HK2: variants seen among roughly 807,000 people sequenced by gnomAD.
The protein encoded by HK2 is hexokinase 2.
In HK2, 42 loss-of-function variants were observed where a neutral mutation model predicts 92.9. The observed-to-expected ratio is 0.45, with a 90% confidence interval of 0.35 to 0.58. The LOEUF (loss-of-function observed/expected upper bound fraction) is 0.58. Ranked by LOEUF, HK2 falls within the 20% of genes least tolerant of loss-of-function variation. The pLI, the probability that HK2 is intolerant of heterozygous loss-of-function variation, is 0.00. For synonymous variants in HK2, 422 were observed against 468.0 expected (o/e 0.90, Z 1.27); for missense variants, 978 against 1,245.1 (o/e 0.79, Z 3.23).
intron 12 of HK2, among the ~76,000 whole-genome samples, chr2:74,885,127 TG>T (rs981818014): frequency 6.6e-6 from 1 of 152,182 alleles, no homozygotes; most frequent in African/African-American, 2.4e-5. Flanking sequence ...GCCCATTCAC[TG>T]GGGTCGGAGG....
chr2:74,843,254 A>G, intron 1 of HK2, among the ~76,000 whole-genome samples: 1 of 152,184 alleles, frequency 6.6e-6, no homozygotes, highest in East Asian at 1.9e-4. Context: ...CCTCATATAC[A>G]GACCCTGGGC....
chr2:74,889,210 A>G (rs757869630), intron 16 of HK2, 35 bp from the exon 17 acceptor site: 1 of 1,558,934 alleles, frequency 6.4e-7, no homozygotes, highest in Non-Finnish European at 8.8e-7. Context: ...TTCTTGGTGC[A>G]TGACTGAACA....
Position 74,889,247 on chromosome 2 carries a change from A to G in HK2, c.2378A>G (p.Asp793Gly). 6.2e-7 allele frequency: 1 copy of G among 1,613,310 alleles called. No individual in the cohort carries two copies. The highest frequency in any genetic ancestry group is 8.5e-7 in the Non-Finnish European group (1 of 1,179,574). Residue 793 changes from aspartate (D) to glycine (G), a missense_variant and splice_region_variant, in exon 17 of 18, where the codon GAC becomes GGC. Asp to Gly is a moderately conservative substitution (Grantham distance 94). Coordinates refer to ENST00000290573, the MANE Select transcript of HK2 (RefSeq NM_000189.5). Reference sequence around the variant, plus strand: ...TTGCTGTCTCCCTCCCACCCCAGTGACTGCCTGGCCCTGCTGCAAGTCCGA... The same window carrying G: ...TTGCTGTCTCCCTCCCACCCCAGTGGCTGCCTGGCCCTGCTGCAAGTCCGA... ...ETKFLSQIES[D>G]CLALLQVRAI... is the part of the protein sequence containing the mutation.
chr2:74,854,537 CA>C, intron 2 of HK2, 82 bp downstream of exon 2: 1 of 1,516,364 alleles, frequency 6.6e-7, no homozygotes. Flanking sequence ...CCAAATAACT[CA>C]AAAGCCTCAG....
rs549961459 is a variant in HK2 at position 74,881,844 on chromosome 2, C to T, written c.1704C>T (p.His568=). The change falls in exon 11 of 18, where the codon CAC becomes CAT. Residue 568 remains histidine, a synonymous_variant. Transcript: ENST00000290573. ...KIYAIPQEVM[H]GTGDELFDHI... is the part of the protein sequence containing the mutation. Reference sequence around the variant, plus strand: ...ACGCCATCCCGCAGGAGGTCATGCACGGCACCGGGGACGAGGTGAGCAGGG... The same window carrying T: ...ACGCCATCCCGCAGGAGGTCATGCATGGCACCGGGGACGAGGTGAGCAGGG... The T allele has an allele frequency of 1.6e-5, 26 of 1,614,158 alleles. No homozygotes were observed. Among genetic ancestry groups the T allele is most frequent in the South Asian group, 2.2e-5 (2 of 91,078 alleles).
At chr2:74,860,609 T>A (rs1330597262) in intron 2 of HK2, among the ~76,000 whole-genome samples, 1 of 152,236 alleles carries the variant, frequency 6.6e-6, no homozygotes, top group East Asian at 1.9e-4. Context: ...GGCTGCTGAT[T>A]CCATGGTATG....
At chr2:74,838,890 A>T (rs1307715348) in intron 1 of HK2, among the ~76,000 whole-genome samples, 1 of 152,156 alleles carries the variant, frequency 6.6e-6, no homozygotes, top group East Asian at 1.9e-4. Context: ...GGATTTTGTC[A>T]TTTAAGAATG....
At chr2:74,877,036 C>A in intron 7 of HK2, 130 bp from the exon 8 acceptor site, 1 of 1,257,972 alleles carries the variant, frequency 7.9e-7, no homozygotes, top group Non-Finnish European at 1.1e-6. Context: ...ACGTATCTTA[C>A]TCCTGGGCCG....
Position 74,885,845 on chromosome 2 carries a change from AACACACACAC to A in HK2, c.1935+288_1935+297del, listed in dbSNP as rs71406901. ...TGGCAGGTGCTGTTAAGAGCTGTGA[AACACACACAC>A]ACACACACACACACACACACACACA... On this transcript the variant is annotated intron_variant, in intron 13 of 17. Transcript: ENST00000290573. 7.7e-3 allele frequency among the ~76,000 whole-genome samples: 995 copies of A among 129,142 alleles called. 13 individuals are homozygous for A. The highest frequency in any genetic ancestry group is 0.03 in the African/African-American group (923 of 30,348). 84.7% of individuals were successfully genotyped at this position (129,142 alleles called of 152,430 possible).
At chr2:74,885,386 G>C (rs1318236919) in intron 12 of HK2, 108 bp from the exon 13 acceptor site, 11 of 767,596 alleles carry the variant, frequency 1.4e-5, no homozygotes, top group Non-Finnish European at 2.3e-5. Context: ...TGACTCTGGG[G>C]GATCCGTCTG....
At chr2:74,858,692 G>T (rs566702273) in intron 2 of HK2, among the ~76,000 whole-genome samples, 34 of 152,352 alleles carry the variant, frequency 2.2e-4, no homozygotes, top group Non-Finnish European at 4.6e-4. Context: ...ATCACCAGGG[G>T]CCCTGCATTT....
intron 2 of HK2, among the ~76,000 whole-genome samples, chr2:74,856,176 G>T (rs1302893117): frequency 7.0e-6 from 1 of 143,396 alleles, no homozygotes; most frequent in East Asian, 1.9e-4. Context: ...GCAGGGCGTG[G>T]GTCAGGGCTT....
intron 1 of HK2, among the ~76,000 whole-genome samples, chr2:74,850,697 C>T (rs1365029069): frequency 2.6e-5 from 4 of 152,310 alleles, no homozygotes; most frequent in African/African-American, 9.6e-5. Context: ...AAATTGCATT[C>T]ATCTCCTTCT....
At chr2:74,890,593 A>T (rs965090029) in intron 17 of HK2, among the ~76,000 whole-genome samples, 2 of 152,348 alleles carry the variant, frequency 1.3e-5, no homozygotes, top group South Asian at 4.1e-4. Flanking sequence ...GAAATTGGGC[A>T]TAGTACTAGT....
At chr2:74,852,293 A>T (rs1350621662) in intron 1 of HK2, among the ~76,000 whole-genome samples, 1 of 152,176 alleles carries the variant, frequency 6.6e-6, no homozygotes, top group Non-Finnish European at 1.5e-5. Flanking sequence ...GAAAGTTGTA[A>T]TGTAGCATTC....
At chr2:74,868,656 G>A (rs781376054) in intron 3 of HK2, among the ~76,000 whole-genome samples, 22 of 152,012 alleles carry the variant, frequency 1.4e-4, no homozygotes, top group Non-Finnish European at 2.4e-4. Context: ...TCCCTGTTGT[G>A]GGGGATGTGG....
At chr2:74,850,420 C>T (rs566120449) in intron 1 of HK2, among the ~76,000 whole-genome samples, 1 of 152,202 alleles carries the variant, frequency 6.6e-6, no homozygotes, top group Admixed American at 6.5e-5. Context: ...TAGCGAGCCT[C>T]TCAGGCTTGG....
chr2:74,843,467 G>T (rs1688364082), intron 1 of HK2, among the ~76,000 whole-genome samples: 1 of 152,126 alleles, frequency 6.6e-6, no homozygotes, highest in Non-Finnish European at 1.5e-5. Flanking sequence ...TCTTTTAGGG[G>T]TGGTCACTCA....
At chr2:74,878,304 A>G (rs1689282584) in intron 8 of HK2, among the ~76,000 whole-genome samples, 1 of 152,186 alleles carries the variant, frequency 6.6e-6, no homozygotes, top group Admixed American at 6.5e-5. Flanking sequence ...AAGCAGATGT[A>G]ACACAAACTC....
Sources: gnomAD v4.1 joint callset for allele counts (sites outside exome capture counted in the v4.1 genomes callset) on GRCh38, gnomAD v4.1.1 for gene constraint, MANE v1.5 for transcripts, NCBI Gene and HGNC (gene_info 2026-07-23, HGNC 2026-07-21) for gene names.